Variants in ARID4B observed in about 807,000 individuals in gnomAD.
The protein encoded by ARID4B is AT-rich interactive domain-containing protein 4B.
Under a neutral mutation model 147.5 loss-of-function variants are expected in ARID4B, and 26 were observed. That is an observed-to-expected ratio of 0.18 (90% CI 0.13 to 0.24). The LOEUF (loss-of-function observed/expected upper bound fraction) is 0.24, where lower values mean the gene tolerates loss of function less well. ARID4B is among the 10% of genes least tolerant of loss of function. ARID4B has a pLI of 1.00. For synonymous variants in ARID4B, 512 were observed against 507.9 expected (o/e 1.01, Z -0.11); for missense variants, 1,179 against 1,511.5 (o/e 0.78, Z 3.65).
intron 8 of ARID4B, among the ~76,000 whole-genome samples, chr1:235,236,851 T>A (rs1558233580): frequency 9.7e-5 from 4 of 41,032 alleles, no homozygotes; most frequent in East Asian, 1.3e-3. Flanking sequence ...TATATATATA[T>A]ATATATATAT....
At chr1:235,301,227 C>T (rs184420667) in intron 2 of ARID4B, among the ~76,000 whole-genome samples, 3 of 151,522 alleles carry the variant, frequency 2.0e-5, no homozygotes, top group Admixed American at 2.0e-4. Context: ...AATCTAAATA[C>T]AGAACAAGCA....
intron 8 of ARID4B, among the ~76,000 whole-genome samples, chr1:235,236,828 T>TAAAAAAAAAAAAAA (rs767176715): frequency 4.3e-5 from 2 of 46,294 alleles, no homozygotes; most frequent in African/African-American, 8.1e-5. Flanking sequence ...AACGGTTTTA[T>TAAAAAAAAAAAAAA]AAAAAATATA....
intron 2 of ARID4B, among the ~76,000 whole-genome samples, chr1:235,312,161 C>T (rs546606249): frequency 6.6e-6 from 1 of 152,164 alleles, no homozygotes; most frequent in Admixed American, 6.5e-5. Context: ...TGGCGCGCAC[C>T]TGTAGTTCCA....
intron 2 of ARID4B, among the ~76,000 whole-genome samples, chr1:235,268,036 C>A (rs572049914): frequency 1.3e-3 from 192 of 152,170 alleles, no homozygotes; most frequent in African/African-American, 4.5e-3. Context: ...TGAATAGGCA[C>A]AAGGACAGAA....
chr1:235,234,281 G>T, intron 9 of ARID4B, 132 bp downstream of exon 9: 1 of 628,968 alleles, frequency 1.6e-6, no homozygotes, highest in Non-Finnish European at 2.8e-6. Context: ...GTGACTCTTT[G>T]AAACATTCTG....
chr1:235,297,442 A>G (rs1035986068), intron 2 of ARID4B, among the ~76,000 whole-genome samples: 5 of 152,306 alleles, frequency 3.3e-5, no homozygotes, highest in African/African-American at 1.2e-4. Flanking sequence ...ACATGAAATA[A>G]AAGTTTTCTT....
At chr1:235,250,716 T>A (rs1669591417) in intron 6 of ARID4B, among the ~76,000 whole-genome samples, 1 of 152,142 alleles carries the variant, frequency 6.6e-6, no homozygotes, top group Admixed American at 6.5e-5. Flanking sequence ...GTATTCTAAT[T>A]TCCTTCTAGC....
chr1:235,301,313 G>C (rs1383919162), intron 2 of ARID4B, among the ~76,000 whole-genome samples: 1 of 151,718 alleles, frequency 6.6e-6, no homozygotes, highest in East Asian at 2.0e-4. Flanking sequence ...CAAGGCGGGA[G>C]AATCGCTTGA....
At chr1:235,209,451 A>T (rs1666549302) in intron 17 of ARID4B, among the ~76,000 whole-genome samples, 1 of 152,232 alleles carries the variant, frequency 6.6e-6, no homozygotes, top group Non-Finnish European at 1.5e-5. Context: ...AGCCTAGACA[A>T]CAAGAGCAAA....
chr1:235,170,910 C>CA (rs1164420998), intron 23 of ARID4B, among the ~76,000 whole-genome samples: 2,541 of 57,980 alleles, frequency 0.044, 41 homozygotes, highest in Middle Eastern at 0.058. Context: ...GACTCCGTCT[C>CA]AAAAAAAAAA....
At chr1:235,283,468 T>C (rs1448629519) in intron 2 of ARID4B, among the ~76,000 whole-genome samples, 1 of 152,244 alleles carries the variant, frequency 6.6e-6, no homozygotes, top group African/African-American at 2.4e-5. Context: ...TTAATAGTAG[T>C]TACCTCTGTA....
chr1:235,271,425 T>A (rs762682362), intron 2 of ARID4B, among the ~76,000 whole-genome samples: 4 of 151,132 alleles, frequency 2.6e-5, no homozygotes, highest in Non-Finnish European at 5.9e-5. Context: ...CAGTCAGGAG[T>A]TCGAGTCCAG....
chr1:235,323,481 G>A (rs1674991479), intron 2 of ARID4B, among the ~76,000 whole-genome samples: 3 of 152,066 alleles, frequency 2.0e-5, no homozygotes, highest in East Asian at 3.9e-4. Flanking sequence ...AAAAAAGTTT[G>A]AGTTTAAAAA....
At chr1:235,231,315 T>A in intron 9 of ARID4B, 126 bp from the exon 10 acceptor site, 1 of 562,726 alleles carries the variant, frequency 1.8e-6, no homozygotes, top group Non-Finnish European at 3.1e-6. Context: ...ACGTTTACAA[T>A]AAAAGTGATT....
chr1:235,246,709 G>A (rs2297803), intron 6 of ARID4B, among the ~76,000 whole-genome samples, 198 bp from the exon 7 acceptor site: 44,463 of 151,496 alleles, frequency 0.29, 7,651 homozygotes, highest in South Asian at 0.53. Flanking sequence ...GCTCATTACT[G>A]GAAAAAAAAA....
At chr1:235,279,857 G>A (rs1018356403) in intron 2 of ARID4B, among the ~76,000 whole-genome samples, 6 of 152,164 alleles carry the variant, frequency 3.9e-5, no homozygotes, top group Admixed American at 1.3e-4. Context: ...GGAGCTTCCC[G>A]GGTTGTAACA....
rs5781824 is a variant in ARID4B at position 235,294,311 on chromosome 1, A to ATTTTT, written c.6+32598_6+32602dup. Among the ~76,000 whole-genome samples, 13 of 114,102 alleles carry ATTTTT rather than the reference A, an allele frequency of 1.1e-4. 1 individual carries two copies. Among genetic ancestry groups the ATTTTT allele is most frequent in the Non-Finnish European group, 1.2e-4 (7 of 56,630 alleles). 74.9% of individuals were successfully genotyped at this position (114,102 alleles called of 152,430 possible). A position where few individuals can be genotyped will look rare whatever the true frequency, so the allele number is the denominator to read the frequency against. On this transcript the variant is annotated intron_variant, in intron 2 of 23. Coordinates refer to ENST00000264183, the MANE Select transcript of ARID4B (RefSeq NM_016374.6). ...GAATAATGATATGCAAACCAGCAGC[A>ATTTTT]TTTTTTTTTTTTTTTTTTTGAGACA...
intron 2 of ARID4B, among the ~76,000 whole-genome samples, chr1:235,311,431 T>C (rs1674046290): frequency 6.6e-6 from 1 of 150,910 alleles, no homozygotes; most frequent in South Asian, 2.1e-4. Context: ...TTTGTATATA[T>C]AATAGGTACT....
chr1:235,267,572 C>G (rs1215516432), intron 2 of ARID4B, among the ~76,000 whole-genome samples: 3 of 152,148 alleles, frequency 2.0e-5, no homozygotes, highest in Non-Finnish European at 2.9e-5. Flanking sequence ...GTGGCTCACG[C>G]CTGTAATCCC....
Sources: allele counts gnomAD v4.1 joint callset (sites outside exome capture counted in the v4.1 genomes callset), GRCh38; gene constraint gnomAD v4.1.1; transcripts MANE v1.5; gene names NCBI Gene and HGNC (gene_info 2026-07-23, HGNC 2026-07-21).